The following UBE2V2 variants were observed in gnomAD, a reference collection of about 807,000 sequenced individuals.
UBE2V2 encodes ubiquitin conjugating enzyme E2 V2.
In UBE2V2, 9 loss-of-function variants were observed where a neutral mutation model predicts 17.2. That is an observed-to-expected ratio of 0.52 (90% confidence interval 0.32 to 0.91). UBE2V2 has a LOEUF of 0.91. UBE2V2 is among the 40% of genes least tolerant of loss of function. The probability of loss-of-function intolerance (pLI) is 0.04; values close to 1 mark genes in which losing one functional copy is unlikely to be tolerated. For synonymous variants in UBE2V2, 61 were observed against 57.5 expected (o/e 1.06, Z -0.28); for missense variants, 133 against 182.6 (o/e 0.73, Z 1.56).
upstream of UBE2V2, among the ~76,000 whole-genome samples, chr8:48,007,348 T>C (rs2091190805): frequency 6.6e-6 from 1 of 152,190 alleles, no homozygotes; most frequent in South Asian, 2.1e-4. Context: ...CATGATTGTA[T>C]ATTTAGAAAA....
upstream of UBE2V2, among the ~76,000 whole-genome samples, chr8:48,004,568 G>C (rs565445034): frequency 9.1e-5 from 12 of 131,668 alleles, no homozygotes; most frequent in East Asian, 1.6e-3. Flanking sequence ...TCTCGCTCTT[G>C]TCATCCAGGC....
intron 3 of UBE2V2, among the ~76,000 whole-genome samples, chr8:48,058,533 C>T (rs909313995): frequency 4.4e-4 from 65 of 148,864 alleles, no homozygotes; most frequent in Non-Finnish European, 1.5e-4. Flanking sequence ...AATTGTGCCA[C>T]TGCACTGCAC....
chr8:48,017,974 T>G (rs1463575780), intron 1 of UBE2V2, among the ~76,000 whole-genome samples: 1 of 151,450 alleles, frequency 6.6e-6, no homozygotes, highest in Non-Finnish European at 1.5e-5. Context: ...TAGCTGGGAC[T>G]ACAGGTGCAC....
At chr8:48,036,912 G>C (rs1343507523) in intron 1 of UBE2V2, among the ~76,000 whole-genome samples, 2 of 151,914 alleles carry the variant, frequency 1.3e-5, no homozygotes, top group African/African-American at 4.8e-5. Flanking sequence ...AGGCGCGGTG[G>C]CTCACGCCTG....
chr8:48,010,470 C>T (rs2091220727), intron 1 of UBE2V2, among the ~76,000 whole-genome samples: 1 of 149,218 alleles, frequency 6.7e-6, no homozygotes. Context: ...GGCGCGATCT[C>T]GGCTCACTGC....
upstream of UBE2V2, among the ~76,000 whole-genome samples, chr8:48,008,242 C>G (rs1464340787): frequency 6.6e-6 from 1 of 152,074 alleles, no homozygotes; most frequent in Non-Finnish European, 1.5e-5. Flanking sequence ...TATTCTTTAG[C>G]GTTTCATTTT....
At chr8:47,999,612 G>A in the UBE2V2 span, among the ~76,000 whole-genome samples, 4 of 151,710 alleles carry the variant, frequency 2.6e-5, no homozygotes, top group African/African-American at 4.8e-5. Flanking sequence ...TGCATGCCTC[G>A]GCCTCCCAAA....
At chr8:48,015,797 A>G (rs903902863) in intron 1 of UBE2V2, among the ~76,000 whole-genome samples, 8 of 151,778 alleles carry the variant, frequency 5.3e-5, no homozygotes, top group African/African-American at 1.9e-4. Context: ...AGGTTCATCC[A>G]TGTTGTTGGA....
At chr8:48,044,429 G>GT (rs1250377219) in intron 2 of UBE2V2, among the ~76,000 whole-genome samples, 1 of 152,202 alleles carries the variant, frequency 6.6e-6, no homozygotes, top group Non-Finnish European at 1.5e-5. Flanking sequence ...GATTACAGGT[G>GT]TGAGCCACTG....
intron 1 of UBE2V2, 56 bp downstream of exon 1, chr8:48,008,526 C>G: frequency 6.5e-7 from 1 of 1,533,940 alleles, no homozygotes; most frequent in South Asian, 1.2e-5. Flanking sequence ...TCTGCCCCTC[C>G]GTCTGCTGCT....
upstream of UBE2V2, among the ~76,000 whole-genome samples, chr8:48,007,343 T>C (rs537836504): frequency 2.0e-5 from 3 of 152,252 alleles, no homozygotes; most frequent in South Asian, 4.1e-4. Flanking sequence ...GATGACATGA[T>C]TGTATATTTA....
At chr8:48,037,156 G>C (rs1484689522) in intron 1 of UBE2V2, among the ~76,000 whole-genome samples, 1 of 152,252 alleles carries the variant, frequency 6.6e-6, no homozygotes, top group African/African-American at 2.4e-5. Context: ...TCTGTCCTGG[G>C]CGACAAGAGC....
chr8:48,013,207 C>T (rs1457987541), intron 1 of UBE2V2, among the ~76,000 whole-genome samples: 2 of 152,070 alleles, frequency 1.3e-5, no homozygotes, highest in Non-Finnish European at 2.9e-5. Flanking sequence ...AATATTGACA[C>T]ATTTATTATT....
intron 2 of UBE2V2, among the ~76,000 whole-genome samples, chr8:48,048,077 A>G (rs1170333874): frequency 6.7e-6 from 1 of 149,546 alleles, no homozygotes; most frequent in Non-Finnish European, 1.5e-5. Flanking sequence ...CATGAGTTTG[A>G]CAAATGTAGC....
In UBE2V2 at chr8:48,014,906, C is replaced by T. The variant is rs191583881; in HGVS notation, c.16+6436C>T. ...TCTACCAAAAATACAAAAAACTAGC[C>T]GGGCGTGGTGACAGGCACCTGTAGT... is the stretch of plus-strand genomic sequence containing the variant. On this transcript the variant is annotated intron_variant, in intron 1 of 3. Transcript: ENST00000523111. Among the ~76,000 whole-genome samples the T allele has an allele frequency of 9.3e-5, 14 of 151,254 alleles. No individual in the cohort carries two copies. In the East Asian group the frequency reaches 1.8e-3, roughly 19 times the overall value.
At chr8:48,005,569 T>G (rs1338201681), upstream of UBE2V2, among the ~76,000 whole-genome samples, 1 of 152,216 alleles carries the variant, frequency 6.6e-6, no homozygotes, top group African/African-American at 2.4e-5. Context: ...GTATTTCTAG[T>G]TCTAGATCCT....
At chr8:48,027,016 G>T (rs2091350487) in intron 1 of UBE2V2, among the ~76,000 whole-genome samples, 1 of 152,058 alleles carries the variant, frequency 6.6e-6, no homozygotes, top group South Asian at 2.1e-4. Flanking sequence ...ACGGAGTCTC[G>T]CTCTGTTGCC....
At chr8:48,009,256 TC>T (rs1174717238) in intron 1 of UBE2V2, among the ~76,000 whole-genome samples, 2 of 151,466 alleles carry the variant, frequency 1.3e-5, no homozygotes, top group Non-Finnish European at 2.9e-5. Context: ...TCTGCCTTTT[TC>T]TTTTCTTTTC....
chr8:48,044,283 C>T (rs1243027945), intron 2 of UBE2V2, among the ~76,000 whole-genome samples: 6 of 152,066 alleles, frequency 3.9e-5, no homozygotes, highest in Non-Finnish European at 7.4e-5. Context: ...ACCTCAGCCT[C>T]CTGAGGTGGT....
Sources: gnomAD v4.1 joint callset for allele counts (sites outside exome capture counted in the v4.1 genomes callset) on GRCh38, gnomAD v4.1.1 for gene constraint, MANE v1.5 for transcripts, NCBI Gene and HGNC (gene_info 2026-07-23, HGNC 2026-07-21) for gene names.